Variants in SAMD5 observed in about 807,000 individuals in gnomAD.
SAMD5 encodes sterile alpha motif domain containing 5.
In SAMD5, 13 loss-of-function variants were observed where a neutral mutation model predicts 11.3. The ratio of observed to expected loss-of-function variants is 1.15; its 90% CI spans 0.75 to 1.83. The LOEUF (loss-of-function observed/expected upper bound fraction) is 1.83, where lower values mean the gene tolerates loss of function less well. SAMD5 is among the 40% of genes most tolerant of loss of function. The probability of loss-of-function intolerance (pLI) is 0.00; values close to 1 mark genes in which losing one functional copy is unlikely to be tolerated. For missense variants in SAMD5, 255 were observed against 239.1 expected, an observed-to-expected ratio of 1.07 and a Z score of -0.44; for synonymous variants, 129 against 111.3, an observed-to-expected ratio of 1.16 and a Z score of -1.00.
At chr6:147,847,334 C>T in the SAMD5 span, among the ~76,000 whole-genome samples, 1 of 152,178 alleles carries the variant, frequency 6.6e-6, no homozygotes, top group Non-Finnish European at 1.5e-5. Flanking sequence ...CTGAAGTACA[C>T]CACGCACGTT....
the SAMD5 span, among the ~76,000 whole-genome samples, chr6:147,840,030 A>T: frequency 1.1e-4 from 16 of 152,160 alleles, no homozygotes; most frequent in Non-Finnish European, 2.2e-4. Context: ...TCACTGTATT[A>T]GTTCTGTTGT....
At position 147,508,890 on chromosome 6, in the gene SAMD5, G is replaced by C; in HGVS notation, c.-39G>C. The C allele has an allele frequency of 6.3e-7, 1 of 1,581,114 alleles. No homozygotes were observed. The highest frequency in any genetic ancestry group is 1.4e-5 in the African/African-American group (1 of 72,796). ...CTGGTGCCGCCCGTGCCATTTGGGC[G>C]CTGGGAAGGTGCTCGGCGGCGGGGT... On this transcript the variant is annotated 5_prime_UTR_variant, in exon 1 of 2. Coordinates refer to ENST00000367474, the MANE Select transcript of SAMD5 (RefSeq NM_001030060.3).
chr6:147,608,210 A>G (rs1231050273), intron 1 of SAMD5, among the ~76,000 whole-genome samples: 1 of 152,230 alleles, frequency 6.6e-6, no homozygotes, highest in Non-Finnish European at 1.5e-5. Context: ...TAGCACAAAC[A>G]CTATGGAGAG....
the SAMD5 span, among the ~76,000 whole-genome samples, chr6:147,793,498 A>C: frequency 6.6e-6 from 1 of 152,202 alleles, no homozygotes; most frequent in Non-Finnish European, 1.5e-5. Flanking sequence ...GACTTTAGTT[A>C]ATTAGAACAA....
intron 1 of SAMD5, among the ~76,000 whole-genome samples, chr6:147,702,835 G>C (rs963274982): frequency 1.2e-4 from 19 of 152,126 alleles, no homozygotes; most frequent in African/African-American, 2.2e-4. Flanking sequence ...GTGTGTGTGT[G>C]TGTCTGTCTG....
the SAMD5 span, among the ~76,000 whole-genome samples, chr6:147,933,441 T>C: frequency 2.0e-5 from 3 of 152,200 alleles, no homozygotes; most frequent in Non-Finnish European, 1.5e-5. Context: ...CTCTTCTAAA[T>C]GTTTGCTGAC....
intron 1 of SAMD5, among the ~76,000 whole-genome samples, chr6:147,726,539 T>C (rs960733258): frequency 7.7e-5 from 11 of 143,376 alleles, no homozygotes; most frequent in African/African-American, 2.8e-4. Context: ...CAGGCCCAGG[T>C]CCAGGCCCAG....
intron 1 of SAMD5, among the ~76,000 whole-genome samples, chr6:147,684,073 A>C (rs1790975663): frequency 6.6e-6 from 1 of 152,130 alleles, no homozygotes. Context: ...ATCAAAAAAT[A>C]AAACAAACCA....
chr6:147,727,077 A>G (rs1791639598), intron 1 of SAMD5, among the ~76,000 whole-genome samples: 1 of 152,094 alleles, frequency 6.6e-6, no homozygotes, highest in African/African-American at 2.4e-5. Flanking sequence ...CCCAAATACA[A>G]AGTCCTTAAT....
chr6:147,900,598 C>T, the SAMD5 span, among the ~76,000 whole-genome samples: 1 of 152,194 alleles, frequency 6.6e-6, no homozygotes. Context: ...AATGAAGAAT[C>T]ACAGGAGAGT....
At chr6:147,827,527 A>C in the SAMD5 span, among the ~76,000 whole-genome samples, 2 of 152,148 alleles carry the variant, frequency 1.3e-5, no homozygotes, top group African/African-American at 2.4e-5. Flanking sequence ...ACCTCATCTA[A>C]CCTCAGTTGC....
At chr6:147,905,003 C>T in the SAMD5 span, among the ~76,000 whole-genome samples, 1 of 151,800 alleles carries the variant, frequency 6.6e-6, no homozygotes, top group African/African-American at 2.4e-5. Flanking sequence ...ATTCTCCTGC[C>T]TCAGCCTCGT....
intron 1 of SAMD5, among the ~76,000 whole-genome samples, chr6:147,622,268 G>T (rs762949799): frequency 6.6e-6 from 1 of 152,154 alleles, no homozygotes; most frequent in African/African-American, 2.4e-5. Flanking sequence ...TGTATACTTT[G>T]TCATCTCTAG....
At chr6:147,740,332 G>A (rs979462527), downstream of SAMD5, among the ~76,000 whole-genome samples, 2 of 152,112 alleles carry the variant, frequency 1.3e-5, no homozygotes, top group Non-Finnish European at 1.5e-5. Flanking sequence ...TGAGTATTTT[G>A]AAAAAGATTC....
At chr6:147,559,802 A>G (rs1368721871) in intron 1 of SAMD5, among the ~76,000 whole-genome samples, 2 of 152,238 alleles carry the variant, frequency 1.3e-5, no homozygotes, top group Non-Finnish European at 2.9e-5. Flanking sequence ...AAAACTCTTT[A>G]AATAGAAAAA....
the SAMD5 span, among the ~76,000 whole-genome samples, chr6:147,888,640 T>C: frequency 1.3e-5 from 2 of 152,078 alleles, no homozygotes; most frequent in African/African-American, 4.8e-5. Context: ...CCTAGCAGCT[T>C]GGGAGGCTGA....
intron 1 of SAMD5, among the ~76,000 whole-genome samples, chr6:147,609,464 G>A (rs1314803183): frequency 6.6e-6 from 1 of 152,120 alleles, no homozygotes; most frequent in African/African-American, 2.4e-5. Context: ...TCTTAGTTAT[G>A]GCAGCCCCAG....
At chr6:147,646,402 C>T (rs1362986506) in intron 1 of SAMD5, among the ~76,000 whole-genome samples, 2 of 151,716 alleles carry the variant, frequency 1.3e-5, no homozygotes, top group Non-Finnish European at 2.9e-5. Flanking sequence ...TCCTTCTTGA[C>T]CTGTTCGGTT....
chr6:147,543,371 G>A (rs1198479770), intron 1 of SAMD5, among the ~76,000 whole-genome samples: 1 of 152,208 alleles, frequency 6.6e-6, no homozygotes, highest in Non-Finnish European at 1.5e-5. Context: ...TCTAATGAGA[G>A]TGAGGGCAGA....
Sources: allele counts gnomAD v4.1 joint callset (sites outside exome capture counted in the v4.1 genomes callset), GRCh38; gene constraint gnomAD v4.1.1; transcripts MANE v1.5; gene names NCBI Gene and HGNC (gene_info 2026-07-23, HGNC 2026-07-21).